Variants in STK32B observed in about 807,000 individuals in gnomAD.
The protein encoded by STK32B is serine/threonine-protein kinase 32B.
A neutral mutation model predicts 52.6 loss-of-function variants in STK32B; 43 were observed. The ratio of observed to expected loss-of-function variants is 0.82; its 90% CI spans 0.64 to 1.05. STK32B has a LOEUF of 1.05. Ranked by LOEUF, STK32B falls within the 50% of genes least tolerant of loss-of-function variation. The pLI is 0.00. For missense variants in STK32B, 621 were observed against 534.6 expected, an observed-to-expected ratio of 1.16 and a Z score of -1.59; for synonymous variants, 238 against 204.3, an observed-to-expected ratio of 1.17 and a Z score of -1.41.
At chr4:5,468,091 C>T (rs1717582485) in intron 11 of STK32B, 21 bp downstream of exon 11, 3 of 1,612,750 alleles carry the variant, frequency 1.9e-6, no homozygotes, top group Non-Finnish European at 2.5e-6. Context: ...CATACTGTCC[C>T]CCTTGGGCAA....
intron 3 of STK32B, among the ~76,000 whole-genome samples, chr4:5,212,819 G>A (rs917939388): frequency 6.6e-6 from 1 of 152,136 alleles, no homozygotes; most frequent in African/African-American, 2.4e-5. Context: ...TGATGAGTTG[G>A]CCTGCAAGAG....
chr4:5,270,973 T>C (rs1727388253), intron 3 of STK32B, among the ~76,000 whole-genome samples: 1 of 148,152 alleles, frequency 6.7e-6, no homozygotes, highest in South Asian at 2.3e-4. Flanking sequence ...CAGAGTGCTG[T>C]GTCACCCAGG....
At chr4:5,428,176 C>T (rs551087047) in intron 6 of STK32B, among the ~76,000 whole-genome samples, 2 of 152,004 alleles carry the variant, frequency 1.3e-5, no homozygotes, top group South Asian at 2.1e-4. Context: ...GGGAGGCCGA[C>T]GCGGGCGGAT....
chr4:5,281,630 A>G (rs1277008645), intron 3 of STK32B, among the ~76,000 whole-genome samples: 1 of 152,164 alleles, frequency 6.6e-6, no homozygotes, highest in African/African-American at 2.4e-5. Context: ...TAATAAGCAA[A>G]TAAAAAATAA....
the STK32B span, among the ~76,000 whole-genome samples, chr4:5,031,059 C>G: frequency 1.3e-5 from 2 of 151,984 alleles, no homozygotes; most frequent in African/African-American, 4.8e-5. Flanking sequence ...TGTTGAAGCT[C>G]TAGTCCAAAG....
At chr4:5,354,193 G>A (rs1734028539) in intron 4 of STK32B, among the ~76,000 whole-genome samples, 1 of 152,198 alleles carries the variant, frequency 6.6e-6, no homozygotes, top group Admixed American at 6.5e-5. Context: ...TTGATCCCAT[G>A]GAGATAGAAA....
intron 11 of STK32B, among the ~76,000 whole-genome samples, chr4:5,489,365 T>C (rs567738396): frequency 6.9e-4 from 105 of 152,344 alleles, no homozygotes; most frequent in African/African-American, 2.5e-3. Flanking sequence ...GTTAAATGCA[T>C]GGTTTCCTGT....
chr4:5,265,809 G>A (rs1373608980), intron 3 of STK32B, among the ~76,000 whole-genome samples: 1 of 151,182 alleles, frequency 6.6e-6, no homozygotes, highest in Non-Finnish European at 1.5e-5. Context: ...TCTTTATTTT[G>A]GGCTTGATAT....
chr4:5,125,377 G>T (rs1715301156), intron 1 of STK32B, among the ~76,000 whole-genome samples: 1 of 152,170 alleles, frequency 6.6e-6, no homozygotes, highest in Admixed American at 6.5e-5. Context: ...TGTGGCCTCG[G>T]GCTAGGAACT....
chr4:5,248,389 A>T lies in STK32B; in HGVS notation c.260+79939A>T, dbSNP rs190130833. Among the ~76,000 whole-genome samples, 124 of 152,356 alleles carry T rather than the reference A, an allele frequency of 8.1e-4. 1 individual carries two copies. The East Asian group carries it at 0.02, about 25-fold the overall frequency. On this transcript the variant is annotated intron_variant, in intron 3 of 11. Coordinates refer to ENST00000282908, the MANE Select transcript of STK32B (RefSeq NM_018401.3). ...ATGTTACAAAGAAAGGGACCTGAAG[A>T]CATAATGTGCCCTGATGTGTCTTAT...
At chr4:5,303,121 G>A (rs575931281) in intron 3 of STK32B, among the ~76,000 whole-genome samples, 11 of 151,488 alleles carry the variant, frequency 7.3e-5, no homozygotes, top group African/African-American at 2.7e-4. Context: ...TCACAATTGG[G>A]AATTACGCTG....
intron 3 of STK32B, among the ~76,000 whole-genome samples, chr4:5,322,624 A>G (rs544307623): frequency 5.9e-5 from 9 of 152,160 alleles, no homozygotes; most frequent in African/African-American, 2.2e-4. Context: ...CAAATAGTTC[A>G]AGTGGCATTG....
At chr4:5,039,137 C>A in the STK32B span, among the ~76,000 whole-genome samples, 4 of 151,838 alleles carry the variant, frequency 2.6e-5, no homozygotes, top group African/African-American at 4.8e-5. Context: ...CAGGCATATG[C>A]CATCATGCCC....
At chr4:5,031,589 C>CAA in the STK32B span, among the ~76,000 whole-genome samples, 50 of 139,792 alleles carry the variant, frequency 3.6e-4, no homozygotes, top group African/African-American at 1.2e-3. Context: ...ACTCTGTCTC[C>CAA]AAAAAAAAAA....
In STK32B at chr4:5,052,334, G is replaced by A. The variant is rs182730592; in HGVS notation, c.52+419G>A. Among the ~76,000 whole-genome samples, 390 of 152,252 alleles carry A rather than the reference G, an allele frequency of 2.6e-3. 1 individual carries two copies. Among genetic ancestry groups the A allele is most frequent in the African/African-American group, 8.9e-3 (368 of 41,544 alleles). ...CGGGTTGCACCGTGTGTCTGTGTGT[G>A]TGTGCGCGTGCCCACGACGCATTTG... On this transcript the variant is annotated intron_variant, in intron 1 of 11. Coordinates refer to ENST00000282908, the MANE Select transcript of STK32B (RefSeq NM_018401.3).
chr4:5,315,505 G>A (rs983953047), intron 3 of STK32B, among the ~76,000 whole-genome samples: 6 of 151,734 alleles, frequency 4.0e-5, no homozygotes, highest in Non-Finnish European at 1.5e-5. Context: ...AAAACTGTAT[G>A]TATGTTTATC....
chr4:5,406,407 C>T (rs947798380), intron 5 of STK32B, among the ~76,000 whole-genome samples: 1 of 152,158 alleles, frequency 6.6e-6, no homozygotes, highest in African/African-American at 2.4e-5. Context: ...CTTCTCACAA[C>T]TCCACTAGGC....
chr4:5,480,809 A>C, intron 11 of STK32B, among the ~76,000 whole-genome samples: 1 of 147,752 alleles, frequency 6.8e-6, no homozygotes, highest in African/African-American at 2.5e-5. Context: ...TTCAATTCCC[A>C]CCTATCAGTG....
chr4:5,495,617 G>A (rs910496570), intron 11 of STK32B, among the ~76,000 whole-genome samples: 13 of 152,202 alleles, frequency 8.5e-5, no homozygotes, highest in Admixed American at 4.6e-4. Flanking sequence ...CGTTGCTGGT[G>A]AGGAGCTGCA....
Sources: gnomAD v4.1 joint callset for allele counts (sites outside exome capture counted in the v4.1 genomes callset) on GRCh38, gnomAD v4.1.1 for gene constraint, MANE v1.5 for transcripts, NCBI Gene and HGNC (gene_info 2026-07-23, HGNC 2026-07-21) for gene names.